POU6F2: variants seen among roughly 807,000 people sequenced by gnomAD.
POU6F2 encodes POU class 6 homeobox 2.
In POU6F2, 31 loss-of-function variants were observed where a neutral mutation model predicts 71.3. The ratio of observed to expected loss-of-function variants is 0.43; its 90% CI spans 0.33 to 0.59. POU6F2 has a LOEUF of 0.59. Among genes scored for constraint, POU6F2 ranks in the 20% least tolerant of loss-of-function variants. The pLI is 0.04. For missense variants in POU6F2, 783 were observed against 856.8 expected (o/e 0.91, Z 1.07); for synonymous variants, 347 against 355.7 (o/e 0.98, Z 0.27).
chr7:39,079,472 C>T (rs1441069466), intron 1 of POU6F2, among the ~76,000 whole-genome samples: 4 of 152,000 alleles, frequency 2.6e-5, no homozygotes, highest in South Asian at 2.1e-4. Context: ...CCACCGTGCC[C>T]GGCCAAGTCT....
intron 2 of POU6F2, among the ~76,000 whole-genome samples, chr7:39,195,480 G>A (rs1042023750): frequency 6.6e-6 from 1 of 152,186 alleles, no homozygotes; most frequent in Non-Finnish European, 1.5e-5. Flanking sequence ...GGCATCTGGG[G>A]TCTTGGAGGA....
At chr7:39,172,747 A>G (rs1405583073) in intron 2 of POU6F2, among the ~76,000 whole-genome samples, 1 of 151,620 alleles carries the variant, frequency 6.6e-6, no homozygotes, top group East Asian at 1.9e-4. Context: ...TAGTTTCCCA[A>G]GTAGCTGGGA....
intron 6 of POU6F2, among the ~76,000 whole-genome samples, chr7:39,417,118 G>T (rs1483238542): frequency 6.6e-6 from 1 of 152,202 alleles, no homozygotes; most frequent in African/African-American, 2.4e-5. Flanking sequence ...AGTTCCTTCT[G>T]CAAACTATGT....
intron 1 of POU6F2, among the ~76,000 whole-genome samples, chr7:39,009,157 A>G (rs1264630537): frequency 6.6e-6 from 1 of 151,392 alleles, no homozygotes; most frequent in Admixed American, 6.6e-5. Context: ...ACCCATGAGC[A>G]TGGAATGTTC....
At chr7:39,259,114 A>T (rs1784083860) in intron 4 of POU6F2, among the ~76,000 whole-genome samples, 1 of 151,394 alleles carries the variant, frequency 6.6e-6, no homozygotes. Flanking sequence ...TTGGATGATT[A>T]TCTAGAAGCC....
rs185956334 is a variant in POU6F2, at chr7:39,384,359, A to T, written c.973-22241A>T. ...CCGTTAAAAACTATATAAAGTTTTT[A>T]AAAGTTTTAACAAAATGCACTGCAA... is the stretch of plus-strand genomic sequence containing the variant. On this transcript the variant is annotated intron_variant, in intron 5 of 9. Coordinates refer to ENST00000518318, the MANE Select transcript of POU6F2 (RefSeq NM_001370959.1). Among the ~76,000 whole-genome samples the T allele has an allele frequency of 1.3e-4, 20 of 152,348 alleles. No individual in the cohort carries two copies. In the East Asian group the frequency reaches 3.7e-3, roughly 28 times the overall value.
At chr7:39,454,926 C>T (rs1464671029) in intron 8 of POU6F2, among the ~76,000 whole-genome samples, 1 of 151,168 alleles carries the variant, frequency 6.6e-6, no homozygotes, top group East Asian at 1.9e-4. Flanking sequence ...TGGGTTAATA[C>T]CTTAGTAATG....
intron 6 of POU6F2, among the ~76,000 whole-genome samples, chr7:39,407,173 A>G (rs533124934): frequency 2.6e-5 from 4 of 152,108 alleles, no homozygotes; most frequent in Non-Finnish European, 5.9e-5. Flanking sequence ...TATCAAAATT[A>G]GTCTTAACAA....
At chr7:39,103,998 A>G (rs998798468) in intron 2 of POU6F2, among the ~76,000 whole-genome samples, 1 of 152,136 alleles carries the variant, frequency 6.6e-6, no homozygotes, top group Admixed American at 6.5e-5. Flanking sequence ...GAAGAGTGTT[A>G]ATGACAAATA....
intron 2 of POU6F2, among the ~76,000 whole-genome samples, chr7:39,155,701 A>G (rs1458246556): frequency 6.6e-6 from 1 of 152,208 alleles, no homozygotes; most frequent in African/African-American, 2.4e-5. Flanking sequence ...GCAAACATCC[A>G]ATTTTATAAT....
intron 5 of POU6F2, among the ~76,000 whole-genome samples, chr7:39,383,160 T>C (rs1786864174): frequency 6.6e-6 from 1 of 152,266 alleles, no homozygotes; most frequent in South Asian, 2.1e-4. Flanking sequence ...TTTTATTTGC[T>C]TGTCTTTACA....
At chr7:39,004,667 C>A (rs1032194416) in intron 1 of POU6F2, among the ~76,000 whole-genome samples, 1 of 152,114 alleles carries the variant, frequency 6.6e-6, no homozygotes, top group Non-Finnish European at 1.5e-5. Context: ...AAAGTTGGTA[C>A]TTTATATATG....
chr7:39,380,607 C>CA (rs897698477), intron 5 of POU6F2, among the ~76,000 whole-genome samples: 3 of 151,708 alleles, frequency 2.0e-5, no homozygotes, highest in Non-Finnish European at 2.9e-5. Context: ...TATATTCTAG[C>CA]AAAAAAAGTC....
intron 2 of POU6F2, among the ~76,000 whole-genome samples, chr7:39,107,039 C>CTTTTTTTTTTTT (rs70977458): frequency 5.3e-5 from 7 of 130,916 alleles, no homozygotes; most frequent in Middle Eastern, 4.0e-3. Context: ...TTCTTTCTTT[C>CTTTTTTTTTTTT]TTTTTTTTTT....
rs983163291 is a variant in POU6F2, at chr7:39,467,237, T to C, written c.*2551T>C. ...ATTTATAAGGTGTTGTAATGCTTCT[T>C]ATATTAATTTTTTACAGATAAATTT... On this transcript the variant is annotated 3_prime_UTR_variant, in exon 10 of 10. Coordinates refer to ENST00000518318, the MANE Select transcript of POU6F2 (RefSeq NM_001370959.1). 1 of 152,212 alleles carries C rather than the reference T, an allele frequency of 6.6e-6. No homozygotes were observed. Among genetic ancestry groups the C allele is most frequent in the Non-Finnish European group, 1.5e-5 (1 of 68,036 alleles). The allele number at this position is 152,212 out of a possible 1,614,324, so 9.4% of individuals were successfully genotyped here. A position where few individuals can be genotyped will look rare whatever the true frequency, so the allele number is the denominator to read the frequency against.
chr7:39,296,383 A>G (rs1336042636), intron 4 of POU6F2, among the ~76,000 whole-genome samples: 2 of 152,184 alleles, frequency 1.3e-5, no homozygotes, highest in Non-Finnish European at 2.9e-5. Context: ...TTGTAGCCCT[A>G]ATACTCACAT....
rs1788667087 is a variant in POU6F2, at chr7:39,451,709, T to A, written c.1489+8T>A. ...TGGGCCAGTTAGTCAGCAGTAAGTA[T>A]CCTTTCTGGCTCGGTTTAAATCGTG... is the stretch of plus-strand genomic sequence containing the variant. On this transcript the variant is annotated splice_region_variant and intron_variant, in intron 8 of 9. Coordinates refer to ENST00000518318, the MANE Select transcript of POU6F2 (RefSeq NM_001370959.1). The A allele has an allele frequency of 6.4e-7, 1 of 1,573,452 alleles. No individual in the cohort carries two copies. Among genetic ancestry groups the A allele is most frequent in the South Asian group, 1.2e-5 (1 of 85,852 alleles).
chr7:39,285,844 G>C (rs534332681), intron 4 of POU6F2, among the ~76,000 whole-genome samples: 2 of 152,156 alleles, frequency 1.3e-5, no homozygotes, highest in Non-Finnish European at 2.9e-5. Flanking sequence ...CACTCCTGGT[G>C]CCTTCCTCCC....
intron 2 of POU6F2, among the ~76,000 whole-genome samples, chr7:39,158,912 C>A (rs1792929893): frequency 6.6e-6 from 1 of 152,134 alleles, no homozygotes; most frequent in Non-Finnish European, 1.5e-5. Context: ...TGGCTAACAC[C>A]TGTAATCCCA....
Sources: allele counts gnomAD v4.1 joint callset (sites outside exome capture counted in the v4.1 genomes callset), GRCh38; gene constraint gnomAD v4.1.1; transcripts MANE v1.5; gene names NCBI Gene and HGNC (gene_info 2026-07-23, HGNC 2026-07-21).